KIAA1549L: variants seen among roughly 807,000 people sequenced by gnomAD.
KIAA1549L encodes the protein UPF0606 protein KIAA1549L.
In KIAA1549L, 88 loss-of-function variants were observed where a neutral mutation model predicts 160.7. The ratio of observed to expected loss-of-function variants is 0.55; its 90% confidence interval spans 0.46 to 0.65. The LOEUF (loss-of-function observed/expected upper bound fraction) is 0.65. KIAA1549L is among the 30% of genes least tolerant of loss of function. The probability of loss-of-function intolerance (pLI) is 0.00; values close to 1 mark genes in which losing one functional copy is unlikely to be tolerated. For missense variants in KIAA1549L, 2,258 were observed against 2,437.5 expected (o/e 0.93, Z 1.55); for synonymous variants, 950 against 976.7 (o/e 0.97, Z 0.51).
In KIAA1549L at chr11:33,543,650, T is replaced by A. The variant is rs754070403; in HGVS notation, c.2087T>A (p.Phe696Tyr). The change falls in exon 2 of 21, where the codon TTC (phenylalanine) becomes TAC (tyrosine). Residue 696 changes from phenylalanine to tyrosine, a missense_variant. This residue lies in a region of KIAA1549L where 287 missense variants were observed against 292.3 expected (regional missense o/e 0.98). Transcript: ENST00000658780. ...DMKKPATTDV[F>Y]WSSLSAETGS... is the part of the protein sequence containing the mutation. The stretch of plus-strand genomic sequence containing the variant: ...AAAAAGCCAGCAACCACAGATGTTT[T>A]CTGGAGTTCTCTTTCAGCAGAAACT... 11 of 1,613,854 alleles carry A rather than the reference T, an allele frequency of 6.8e-6. No individual in the cohort carries two copies. In the African/African-American group the frequency reaches 1.5e-4, roughly 22 times the overall value.
chr11:33,517,432 A>G (rs1210076500), intron 1 of KIAA1549L, among the ~76,000 whole-genome samples: 2 of 152,196 alleles, frequency 1.3e-5, no homozygotes, highest in African/African-American at 4.8e-5. Flanking sequence ...GGTAATATCC[A>G]TATCCTGAGT....
intron 1 of KIAA1549L, chr11:33,403,276 G>GAAAC: frequency 1.4e-4 from 1 of 7,066 alleles, no homozygotes; most frequent in Non-Finnish European, 3.0e-4. Flanking sequence ...GACACACACA[G>GAAAC]ACACAGACAC....
intron 1 of KIAA1549L, among the ~76,000 whole-genome samples, chr11:33,506,212 G>A (rs1335323261): frequency 6.6e-6 from 1 of 152,180 alleles, no homozygotes; most frequent in South Asian, 2.1e-4. Flanking sequence ...ACTGGAGTGG[G>A]CCCTGGCTCT....
At position 33,487,306 on chromosome 11, in the gene KIAA1549L, G is replaced by A. The variant is rs1590281316; in HGVS notation, c.239-54496G>A. Reference sequence around the variant, plus strand: ...TTTGGAGGGGTGGGACTGTGAGATGGAAGGTGGTATGTACTGACCAAGAAG... The same window carrying A: ...TTTGGAGGGGTGGGACTGTGAGATGAAAGGTGGTATGTACTGACCAAGAAG... On this transcript the variant is annotated intron_variant, in intron 1 of 20. Coordinates refer to ENST00000658780, the MANE Select transcript of KIAA1549L (RefSeq NM_012194.3). 3.9e-5 allele frequency among the ~76,000 whole-genome samples: 6 copies of A among 152,228 alleles called. No individual in the cohort carries two copies. In the South Asian group the frequency reaches 1.2e-3, roughly 32 times the overall value.
At chr11:33,457,985 G>C (rs1052764687) in intron 1 of KIAA1549L, among the ~76,000 whole-genome samples, 4 of 152,206 alleles carry the variant, frequency 2.6e-5, no homozygotes, top group African/African-American at 7.2e-5. Flanking sequence ...TGTCCCGTCT[G>C]CTTCCATGGC....
intron 8 of KIAA1549L, among the ~76,000 whole-genome samples, chr11:33,567,640 G>A (rs1565189981): frequency 6.6e-6 from 1 of 152,248 alleles, no homozygotes; most frequent in African/African-American, 2.4e-5. Context: ...CAGACCTTGA[G>A]TGGAAACCAG....
rs201551936 is a variant in KIAA1549L at position 33,440,120 on chromosome 11, C to CTTTTTTTTTTTTTTTT, written c.238+63243_238+63258dup. On this transcript the variant is annotated intron_variant, in intron 1 of 20. Transcript: ENST00000658780. ...GGTTATTTCCTCACCTATTTTGTTT[C>CTTTTTTTTTTTTTTTT]TTTTTTTTTTTTTTTTTTTTTTTTT... 6.6e-4 allele frequency among the ~76,000 whole-genome samples: 55 copies of CTTTTTTTTTTTTTTTT among 83,418 alleles called. 9 individuals are homozygous for CTTTTTTTTTTTTTTTT. The highest frequency in any genetic ancestry group is 8.3e-4 in the Non-Finnish European group (34 of 40,736). The allele number at this position is 83,418 out of a possible 152,430, so 54.7% of individuals were successfully genotyped here.
intron 16 of KIAA1549L, among the ~76,000 whole-genome samples, chr11:33,623,800 A>G (rs1306830837): frequency 2.0e-5 from 3 of 152,084 alleles, no homozygotes; most frequent in African/African-American, 7.2e-5. Context: ...CCTGCAGGCC[A>G]AGAATTTCCC....
chr11:33,659,925 A>T (rs576167575), intron 19 of KIAA1549L, among the ~76,000 whole-genome samples: 1 of 152,008 alleles, frequency 6.6e-6, no homozygotes, highest in African/African-American at 2.4e-5. Flanking sequence ...TGCTCCCCCA[A>T]CCCCTGGAGA....
chr11:33,583,564 C>T, intron 11 of KIAA1549L, 63 bp downstream of exon 11: 1 of 1,460,978 alleles, frequency 6.8e-7, no homozygotes. Flanking sequence ...GCCTGCCTTT[C>T]CCTCTTGCCT....
chr11:33,592,120 G>A (rs1850073272), intron 12 of KIAA1549L, among the ~76,000 whole-genome samples: 1 of 152,180 alleles, frequency 6.6e-6, no homozygotes, highest in Non-Finnish European at 1.5e-5. Flanking sequence ...AGAGAAAAGG[G>A]ACAGGTTTGT....
intron 14 of KIAA1549L, 124 bp downstream of exon 14, chr11:33,606,946 T>G (rs973579474): frequency 2.6e-5 from 19 of 738,046 alleles, no homozygotes; most frequent in Non-Finnish European, 4.1e-5. Context: ...CATTTTTACC[T>G]CTGCATGTAC....
chr11:33,596,011 G>A (rs563001274), intron 12 of KIAA1549L, among the ~76,000 whole-genome samples: 6 of 152,088 alleles, frequency 3.9e-5, no homozygotes, highest in South Asian at 2.1e-4. Context: ...AGAATCAACC[G>A]TTTACAGCTG....
At chr11:33,589,153 T>TG in intron 11 of KIAA1549L, among the ~76,000 whole-genome samples, 1 of 151,966 alleles carries the variant, frequency 6.6e-6, no homozygotes, top group East Asian at 1.9e-4. Flanking sequence ...AAAAGACACA[T>TG]GAAAAAATGC....
intron 15 of KIAA1549L, among the ~76,000 whole-genome samples, chr11:33,616,510 T>C (rs529738472): frequency 3.2e-4 from 48 of 152,294 alleles, no homozygotes; most frequent in African/African-American, 1.0e-3. Flanking sequence ...ATCATGATGC[T>C]CTTACCAAAG....
In KIAA1549L at chr11:33,598,190, TTGTGTGTGTG is replaced by T. The variant is rs57343190; in HGVS notation, c.4752-600_4752-591del. On this transcript the variant is annotated intron_variant, in intron 12 of 20. Transcript: ENST00000658780. ...AGTTAGAGAGTTAGAGAGAGAATGT[TTGTGTGTGTG>T]TGTGTGTGTGTGTGTGTGTGTGTGT... Among the ~76,000 whole-genome samples the T allele has an allele frequency of 3.8e-3, 509 of 135,184 alleles. 25 individuals are homozygous for T. The East Asian group carries it at 0.097, about 26-fold the overall frequency. The allele number at this position is 135,184 out of a possible 152,430, so 88.7% of individuals were successfully genotyped here. A position where few individuals can be genotyped will look rare whatever the true frequency, so the allele number is the denominator to read the frequency against.
rs750670251 is a variant in KIAA1549L, at chr11:33,407,081, A to ATTTTTT, written c.238+30208_238+30213dup. Reference sequence around the variant, plus strand: ...GGAGTTCAGTCCTTTTTCTTTTTTCATTTTTTTTTTTTTTTTTTTTTGAGA... The same window carrying ATTTTTT: ...GGAGTTCAGTCCTTTTTCTTTTTTCATTTTTTTTTTTTTTTTTTTTTTTTTTTGAGA... On this transcript the variant is annotated intron_variant, in intron 1 of 20. Transcript: ENST00000658780. Among the ~76,000 whole-genome samples the ATTTTTT allele has an allele frequency of 3.4e-3, 336 of 100,122 alleles. 27 individuals are homozygous for ATTTTTT. Among genetic ancestry groups the ATTTTTT allele is most frequent in the East Asian group, 0.032 (101 of 3,164 alleles). The allele number at this position is 100,122 out of a possible 152,430, so 65.7% of individuals were successfully genotyped here.
chr11:33,606,576 A>T, intron 13 of KIAA1549L, 65 bp from the exon 14 acceptor site: 2 of 1,520,430 alleles, frequency 1.3e-6, no homozygotes, highest in Non-Finnish European at 1.8e-6. Context: ...AGTCTAACAT[A>T]AATTCTCCTG....
intron 13 of KIAA1549L, among the ~76,000 whole-genome samples, chr11:33,601,625 C>A (rs1249921710): frequency 1.3e-5 from 2 of 152,158 alleles, no homozygotes; most frequent in Admixed American, 1.3e-4. Context: ...TATTCAAATG[C>A]TGTTGTCTTA....
Sources: allele counts gnomAD v4.1 joint callset (sites outside exome capture counted in the v4.1 genomes callset), GRCh38; gene constraint gnomAD v4.1.1; regional missense constraint gnomAD v4.1.1; transcripts MANE v1.5; gene names NCBI Gene and HGNC (gene_info 2026-07-23, HGNC 2026-07-21).